Variants in CPLX3 observed in about 807,000 individuals in gnomAD.
CPLX3 encodes complexin-3.
A neutral mutation model predicts 17.2 loss-of-function variants in CPLX3; 12 were observed. That is an observed-to-expected ratio of 0.70 (90% CI 0.45 to 1.13). CPLX3 has a LOEUF of 1.13. CPLX3 is among the 50% of genes most tolerant of loss of function. CPLX3 has a pLI of 0.00. For synonymous variants in CPLX3, 75 were observed against 79.4 expected (o/e 0.94, Z 0.29); for missense variants, 172 against 203.2 (o/e 0.85, Z 0.93).
Position 74,830,571 on chromosome 15 carries a change from C to T in CPLX3, c.*217C>T, listed in dbSNP as rs1462244601. On this transcript the variant is annotated 3_prime_UTR_variant, in exon 3 of 3. Coordinates refer to ENST00000395018, the MANE Select transcript of CPLX3 (RefSeq NM_001030005.3). ...CTCTACCCTTCAGGACCCTCCCCACCAGCTCAGCCTGTGGAGGCCTCCCAA... is the reference window on the plus strand; with the variant it reads ...CTCTACCCTTCAGGACCCTCCCCACTAGCTCAGCCTGTGGAGGCCTCCCAA... 23 of 550,800 alleles carry T rather than the reference C, an allele frequency of 4.2e-5. No homozygotes were observed. The highest frequency in any genetic ancestry group is 7.2e-5 in the Non-Finnish European group (22 of 306,828). 34.1% of individuals were successfully genotyped at this position (550,800 alleles called of 1,614,324 possible).
chr15:74,830,633 C>A lies in CPLX3; in HGVS notation c.*279C>A. On this transcript the variant is annotated 3_prime_UTR_variant, in exon 3 of 3. Coordinates refer to ENST00000395018, the MANE Select transcript of CPLX3 (RefSeq NM_001030005.3). The stretch of plus-strand genomic sequence containing the variant: ...TAGGCCCATCCCTCTCTGGCCATGG[C>A]CCCAAGTTCCTGCACACAGGAGCAC... 2.5e-6 allele frequency: 1 copy of A among 406,456 alleles called. No homozygotes were observed. The allele number at this position is 406,456 out of a possible 1,614,324, so 25.2% of individuals were successfully genotyped here.
Position 74,826,666 on chromosome 15 carries a change from G to A in CPLX3, c.-38G>A. The A allele has an allele frequency of 6.3e-7, 1 of 1,590,868 alleles. No homozygotes were observed. Among genetic ancestry groups the A allele is most frequent in the Non-Finnish European group, 8.5e-7 (1 of 1,170,158 alleles). On this transcript the variant is annotated 5_prime_UTR_variant, in exon 1 of 3. In the 5' UTR this introduces an upstream ATG that the reference lacks. Transcript: ENST00000395018. The surrounding 1 kb of genome is among the most constrained non-coding windows in gnomAD (Gnocchi z 5.0). Reference sequence around the variant, plus strand: ...CGCGGACGTGCCCGGTGCCTGGCGCGTGGTAGCAGGCGCCCGGTGCCCCGG... The same window carrying A: ...CGCGGACGTGCCCGGTGCCTGGCGCATGGTAGCAGGCGCCCGGTGCCCCGG...
Position 74,831,412 on chromosome 15 carries a change from G to T in CPLX3, c.*1058G>T. On this transcript the variant is annotated 3_prime_UTR_variant, in exon 3 of 3. Transcript: ENST00000395018. ...TTCTCTTGGGGCCCTGGGTGAAGGT[G>T]GGGTCTGGGGCTTATGAAATAGGTC... The T allele has an allele frequency of 6.6e-6, 1 of 152,446 alleles. No individual in the cohort carries two copies. Among genetic ancestry groups the T allele is most frequent in the Non-Finnish European group, 1.5e-5 (1 of 68,192 alleles). The allele number at this position is 152,446 out of a possible 1,614,324, so 9.4% of individuals were successfully genotyped here.
At chr15:74,827,970 C>T in intron 1 of CPLX3, 64 bp from the exon 2 acceptor site, 2 of 1,350,038 alleles carry the variant, frequency 1.5e-6, no homozygotes, top group Middle Eastern at 1.8e-4. Context: ...TCTGTCCCTC[C>T]CTCGAAGACC....
rs929681410 is a variant in CPLX3 at position 74,831,112 on chromosome 15, C to G, written c.*758C>G. ...AGCTGGCACTGAACAGTAAGCGGCT[C>G]CAGGCCTCCTCTGGGCCCAGGGCCC... On this transcript the variant is annotated 3_prime_UTR_variant, in exon 3 of 3. Transcript: ENST00000395018. 1 of 152,672 alleles carries G rather than the reference C, an allele frequency of 6.5e-6. No homozygotes were observed. The highest frequency in any genetic ancestry group is 2.4e-5 in the African/African-American group (1 of 41,458). 9.5% of individuals were successfully genotyped at this position (152,672 alleles called of 1,614,324 possible).
chr15:74,829,458 G>C (rs541583659), intron 2 of CPLX3, among the ~76,000 whole-genome samples: 22 of 152,104 alleles, frequency 1.4e-4, no homozygotes, highest in Admixed American at 3.3e-4. Context: ...AGTTACTTAA[G>C]TTAGTTAAGT....
Position 74,830,537 on chromosome 15 carries a change from C to G in CPLX3, c.*183C>G. The G allele has an allele frequency of 1.7e-6, 1 of 598,090 alleles. No individual in the cohort carries two copies. 37.0% of individuals were successfully genotyped at this position (598,090 alleles called of 1,614,324 possible). A position where few individuals can be genotyped will look rare whatever the true frequency, so the allele number is the denominator to read the frequency against. The stretch of plus-strand genomic sequence containing the variant: ...TTCCTCTCCGCTGGGAGTAAAGTCC[C>G]CATCTTCACTCTACCCTTCAGGACC... On this transcript the variant is annotated 3_prime_UTR_variant, in exon 3 of 3. Transcript: ENST00000395018.
chr15:74,828,537 G>A (rs569952807), intron 2 of CPLX3, among the ~76,000 whole-genome samples: 82 of 152,328 alleles, frequency 5.4e-4, no homozygotes, highest in Middle Eastern at 6.8e-3. Context: ...TACTTAAGGT[G>A]GGGGAGAGAA....
At position 74,828,095 on chromosome 15, in the gene CPLX3, T is replaced by G; in HGVS notation, c.226T>G (p.Phe76Val). Residue 76 changes from phenylalanine (F) to valine (V), a missense_variant, in exon 2 of 3, where the codon TTC (phenylalanine) becomes GTC (valine). Physicochemically the swap from Phe to Val is conservative, Grantham distance 50. Coordinates refer to ENST00000395018, the MANE Select transcript of CPLX3 (RefSeq NM_001030005.3). ...KAERATLRSH[F>V]RDKYRLPKNE... ...AGAGCGGGCCACACTGCGGAGCCAC[T>G]TCCGAGACAAATACCGGCTACCCAA... The G allele has an allele frequency of 1.2e-6, 2 of 1,603,022 alleles. No individual in the cohort carries two copies. The highest frequency in any genetic ancestry group is 1.7e-6 in the Non-Finnish European group (2 of 1,174,356).
At chr15:74,830,013 A>AAT in intron 2 of CPLX3, 117 bp from the exon 3 acceptor site, 1 of 725,078 alleles carries the variant, frequency 1.4e-6, no homozygotes, top group Non-Finnish European at 2.3e-6. Context: ...AAAAAAAAAA[A>AAT]GAAAAAATAG....
Position 74,830,424 on chromosome 15 carries a change from C to A in CPLX3, c.*70C>A. 2 of 1,282,452 alleles carry A rather than the reference C, an allele frequency of 1.6e-6. No individual in the cohort carries two copies. The highest frequency in any genetic ancestry group is 1.1e-6 in the Non-Finnish European group (1 of 909,186). 79.4% of individuals were successfully genotyped at this position (1,282,452 alleles called of 1,614,324 possible). On this transcript the variant is annotated 3_prime_UTR_variant, in exon 3 of 3. Transcript: ENST00000395018. Reference sequence around the variant, plus strand: ...TAAGAGTGTGTCAACTTCCAGGGACCCATACTCCATTTGGGGCTTTGTTTC... The same window carrying A: ...TAAGAGTGTGTCAACTTCCAGGGACACATACTCCATTTGGGGCTTTGTTTC...
Position 74,826,703 on chromosome 15 carries a change from C to T in CPLX3, c.-1C>T. 6.2e-7 allele frequency: 1 copy of T among 1,607,524 alleles called. No homozygotes were observed. The highest frequency in any genetic ancestry group is 1.1e-5 in the South Asian group (1 of 90,822). ...GCCCGGTGCCCCGGCCGGCGAAGAC[C>T]ATGGCGTTCATGGTGAAGACCATGG... On this transcript the variant is annotated 5_prime_UTR_variant, in exon 1 of 3. Coordinates refer to ENST00000395018, the MANE Select transcript of CPLX3 (RefSeq NM_001030005.3). The surrounding 1 kb of genome is among the most constrained non-coding windows in gnomAD (Gnocchi z 5.0).
At chr15:74,829,537 A>G (rs1419533019) in intron 2 of CPLX3, among the ~76,000 whole-genome samples, 2 of 152,242 alleles carry the variant, frequency 1.3e-5, no homozygotes, top group East Asian at 3.8e-4. Context: ...AGTGGAAATA[A>G]CAATACCTAC....
intron 2 of CPLX3, 71 bp from the exon 3 acceptor site, chr15:74,830,059 C>G (rs2063961428): frequency 1.7e-6 from 2 of 1,205,572 alleles, no homozygotes; most frequent in African/African-American, 1.5e-5. Context: ...AAGCCTCCTC[C>G]CTGTCCTCTC....
In CPLX3 at chr15:74,826,833, T is replaced by C; in HGVS notation, c.130T>C (p.Tyr44His). The C allele has an allele frequency of 6.2e-7, 1 of 1,600,052 alleles. No homozygotes were observed. Residue 44 changes from tyrosine (Y) to histidine (H), a missense_variant, in exon 1 of 3, where the codon TAC (tyrosine) becomes CAC (histidine). Coordinates refer to ENST00000395018, the MANE Select transcript of CPLX3 (RefSeq NM_001030005.3). This position sits in a 1 kb window ranked among gnomAD's most constrained non-coding sequence, Gnocchi z 5.0. Reference protein sequence around the residue: ...AEAQGMSREEYEEYQKQLVEE... With the variant: ...AEAQGMSREEHEEYQKQLVEE... ...AGCTCAGGGCATGAGCCGGGAGGAG[T>C]ACGAGGAGTATCAGAAGCAACTCGT...
intron 2 of CPLX3, 109 bp from the exon 3 acceptor site, chr15:74,830,021 T>G: frequency 3.0e-6 from 2 of 670,950 alleles, no homozygotes; most frequent in Non-Finnish European, 2.4e-6. Flanking sequence ...AAAGAAAAAA[T>G]AGAATCTAGG....
At chr15:74,830,009 A>G (rs1406957620) in intron 2 of CPLX3, 121 bp from the exon 3 acceptor site, 7 of 735,802 alleles carry the variant, frequency 9.5e-6, no homozygotes, top group South Asian at 3.9e-5. Flanking sequence ...AAAAAAAAAA[A>G]AAAAGAAAAA....
chr15:74,830,762 G>C lies in CPLX3; in HGVS notation c.*408G>C, dbSNP rs1449111574. The C allele has an allele frequency of 5.8e-6, 1 of 171,656 alleles. No homozygotes were observed. Among genetic ancestry groups the C allele is most frequent in the African/African-American group, 2.4e-5 (1 of 41,942 alleles). 10.6% of individuals were successfully genotyped at this position (171,656 alleles called of 1,614,324 possible). A position where few individuals can be genotyped will look rare whatever the true frequency, so the allele number is the denominator to read the frequency against. The stretch of plus-strand genomic sequence containing the variant: ...AGACACACACGAGGCCAGCTCCCTT[G>C]CGTGTCCAGCCCCTCCAGACACCAC... On this transcript the variant is annotated 3_prime_UTR_variant, in exon 3 of 3. Transcript: ENST00000395018.
At chr15:74,827,924 G>A (rs2141120189) in intron 1 of CPLX3, 110 bp from the exon 2 acceptor site, 2 of 864,128 alleles carry the variant, frequency 2.3e-6, no homozygotes, top group Non-Finnish European at 3.8e-6. Flanking sequence ...TACACACAGG[G>A]ACCAATGCAG....
Sources: gnomAD v4.1 joint callset for allele counts (sites outside exome capture counted in the v4.1 genomes callset) on GRCh38, gnomAD v4.1.1 for gene constraint, Gnocchi (gnomAD v3.1) non-coding constraint, MANE v1.5 for transcripts, NCBI Gene and HGNC (gene_info 2026-07-23, HGNC 2026-07-21) for gene names.